Variants in ZNF618 observed in about 807,000 individuals in gnomAD.
ZNF618 encodes the protein neural precursor cell expressed, developmentally down-regulated 10.
Under a neutral mutation model 103.0 loss-of-function variants are expected in ZNF618, and 34 were observed. The observed-to-expected ratio is 0.33, with a 90% CI of 0.25 to 0.44. ZNF618 has a LOEUF of 0.44. Among genes scored for constraint, ZNF618 ranks in the 20% least tolerant of loss-of-function variants. The pLI is 1.00. For missense variants in ZNF618, 1,059 were observed against 1,295.4 expected (o/e 0.82, Z 2.80); for synonymous variants, 551 against 542.2 (o/e 1.02, Z -0.23).
At chr9:113,938,001 A>G (rs935980302) in intron 1 of ZNF618, among the ~76,000 whole-genome samples, 1 of 152,122 alleles carries the variant, frequency 6.6e-6, no homozygotes. Flanking sequence ...GCTTTATATC[A>G]ACTCCACAAG....
At chr9:114,017,357 C>T (rs1268632390) in intron 10 of ZNF618, among the ~76,000 whole-genome samples, 1 of 152,104 alleles carries the variant, frequency 6.6e-6, no homozygotes, top group Non-Finnish European at 1.5e-5. Context: ...GACCCTGGAC[C>T]ACCATCTCCC....
chr9:114,013,863 C>G (rs967066859), intron 9 of ZNF618, among the ~76,000 whole-genome samples: 1 of 152,182 alleles, frequency 6.6e-6, no homozygotes, highest in African/African-American at 2.4e-5. Context: ...AATGTATATT[C>G]TTAGGCCCTA....
chr9:113,881,920 C>T (rs539396324), intron 1 of ZNF618, among the ~76,000 whole-genome samples: 28 of 152,152 alleles, frequency 1.8e-4, no homozygotes, highest in Non-Finnish European at 2.8e-4. Context: ...CTAGTAACTC[C>T]GGGATGATGT....
intron 1 of ZNF618, among the ~76,000 whole-genome samples, chr9:113,938,518 T>C (rs73554479): frequency 8.0e-4 from 121 of 150,880 alleles, no homozygotes; most frequent in African/African-American, 2.8e-3. Flanking sequence ...TATTAGTGTT[T>C]TGTAGTGTTA....
chr9:113,955,121 A>C (rs1836146135), intron 1 of ZNF618, among the ~76,000 whole-genome samples: 2 of 147,802 alleles, frequency 1.4e-5, no homozygotes, highest in Non-Finnish European at 1.5e-5. Flanking sequence ...AATTGCCTCC[A>C]TTTAAAGGGC....
At chr9:113,897,209 C>A (rs1002881475) in intron 1 of ZNF618, among the ~76,000 whole-genome samples, 1 of 152,026 alleles carries the variant, frequency 6.6e-6, no homozygotes, top group Admixed American at 6.5e-5. Flanking sequence ...CCCCTATGTA[C>A]TAGTACAACT....
chr9:113,954,103 G>C (rs1247790540), intron 1 of ZNF618, among the ~76,000 whole-genome samples: 1 of 152,138 alleles, frequency 6.6e-6, no homozygotes, highest in African/African-American at 2.4e-5. Flanking sequence ...TGTGGGGTAG[G>C]AATGCATTTG....
intron 13 of ZNF618, among the ~76,000 whole-genome samples, chr9:114,042,460 G>C (rs1845283696): frequency 6.6e-6 from 1 of 152,106 alleles, no homozygotes; most frequent in East Asian, 1.9e-4. Context: ...ATTGCTTGAG[G>C]CCAGGAATTT....
chr9:114,041,993 C>G (rs1436800043), intron 13 of ZNF618, among the ~76,000 whole-genome samples: 1 of 152,174 alleles, frequency 6.6e-6, no homozygotes, highest in Non-Finnish European at 1.5e-5. Context: ...TTTGTATCCT[C>G]TTTTATTTCC....
intron 1 of ZNF618, among the ~76,000 whole-genome samples, chr9:113,908,786 T>A (rs1031492252): frequency 6.6e-6 from 1 of 151,974 alleles, no homozygotes; most frequent in Non-Finnish European, 1.5e-5. Flanking sequence ...GATACCATAA[T>A]AAGGATGGAA....
intron 1 of ZNF618, among the ~76,000 whole-genome samples, chr9:113,948,403 G>T (rs1316861987): frequency 2.6e-5 from 4 of 152,220 alleles, no homozygotes; most frequent in Non-Finnish European, 4.4e-5. Context: ...TGGAAATCCA[G>T]ATCCTCACAC....
chr9:113,972,669 TAG>T (rs1443864023), intron 2 of ZNF618, among the ~76,000 whole-genome samples: 1 of 152,164 alleles, frequency 6.6e-6, no homozygotes, highest in Admixed American at 6.5e-5. Flanking sequence ...GGCAAGTTTA[TAG>T]ACTCTGTGAG....
chr9:113,908,798 G>A (rs999377810), intron 1 of ZNF618, among the ~76,000 whole-genome samples: 33 of 151,996 alleles, frequency 2.2e-4, no homozygotes, highest in Non-Finnish European at 2.8e-4. Flanking sequence ...AGGATGGAAT[G>A]TCAAGGCCAT....
chr9:113,999,765 G>A (rs1470403752), intron 4 of ZNF618, among the ~76,000 whole-genome samples: 2 of 152,246 alleles, frequency 1.3e-5, no homozygotes, highest in African/African-American at 2.4e-5. Flanking sequence ...CGTTGTCCCT[G>A]TGCCAGCTGG....
intron 1 of ZNF618, among the ~76,000 whole-genome samples, chr9:113,914,866 C>T (rs561698924): frequency 6.6e-5 from 10 of 152,218 alleles, no homozygotes; most frequent in South Asian, 2.1e-4. Flanking sequence ...TCAGTAGGAG[C>T]GAGCTTGACT....
At chr9:113,979,575 A>G (rs1410406340) in intron 2 of ZNF618, among the ~76,000 whole-genome samples, 1 of 152,226 alleles carries the variant, frequency 6.6e-6, no homozygotes, top group East Asian at 1.9e-4. Context: ...AAAACCATCG[A>G]CAGTTACAGT....
At chr9:114,030,129 C>A (rs1485962736) in intron 11 of ZNF618, among the ~76,000 whole-genome samples, 1 of 152,184 alleles carries the variant, frequency 6.6e-6, no homozygotes, top group Non-Finnish European at 1.5e-5. Context: ...ACTGACAACC[C>A]AGCCGAGTGA....
chr9:113,904,780 A>G (rs970246193), intron 1 of ZNF618, among the ~76,000 whole-genome samples: 3 of 152,154 alleles, frequency 2.0e-5, no homozygotes, highest in Non-Finnish European at 4.4e-5. Flanking sequence ...TGGCTTCTTC[A>G]TCTTCAAAGC....
intron 9 of ZNF618, among the ~76,000 whole-genome samples, chr9:114,013,702 A>T (rs974727255): frequency 6.6e-6 from 1 of 152,240 alleles, no homozygotes; most frequent in African/African-American, 2.4e-5. Flanking sequence ...AAGTGCTGGG[A>T]TTACAGGCGT....
Sources: gnomAD v4.1 joint callset for allele counts (sites outside exome capture counted in the v4.1 genomes callset) on GRCh38, gnomAD v4.1.1 for gene constraint, MANE v1.5 for transcripts, NCBI Gene and HGNC (gene_info 2026-07-23, HGNC 2026-07-21) for gene names.